Variants in PRKAR1B observed in about 807,000 individuals in gnomAD.
PRKAR1B encodes the protein cAMP-dependent protein kinase type I-beta regulatory subunit.
PRKAR1B carries 22 observed loss-of-function variants against 46.5 expected under a neutral mutation model. That is an observed-to-expected ratio of 0.47 (90% CI 0.34 to 0.68). The LOEUF is 0.68. PRKAR1B is among the 30% of genes least tolerant of loss of function. PRKAR1B has a pLI of 0.01. For synonymous variants in PRKAR1B, 259 were observed against 217.7 expected, an observed-to-expected ratio of 1.19 and a Z score of -1.67; for missense variants, 445 against 535.6, an observed-to-expected ratio of 0.83 and a Z score of 1.67.
chr7:590,141 G>T (rs557772589), intron 7 of PRKAR1B, among the ~76,000 whole-genome samples: 2 of 152,360 alleles, frequency 1.3e-5, no homozygotes, highest in South Asian at 4.1e-4. Flanking sequence ...GCACTCTGCT[G>T]TGCAGCCCCA....
At chr7:658,497 A>G (rs952668746) in intron 4 of PRKAR1B, among the ~76,000 whole-genome samples, 3 of 152,144 alleles carry the variant, frequency 2.0e-5, no homozygotes, top group African/African-American at 7.2e-5. Context: ...CTGATGGCTG[A>G]GGTTTGCTTC....
intron 1 of PRKAR1B, among the ~76,000 whole-genome samples, chr7:722,404 T>C (rs1054203409): frequency 4.6e-5 from 7 of 150,698 alleles, no homozygotes; most frequent in African/African-American, 1.7e-4. Context: ...ACCTGGCTAA[T>C]TTTTCTATTT....
chr7:611,256 T>C (rs1271420088), intron 4 of PRKAR1B, among the ~76,000 whole-genome samples: 3 of 152,198 alleles, frequency 2.0e-5, no homozygotes, highest in African/African-American at 7.2e-5. Flanking sequence ...CTCCCTCTCG[T>C]CCACCCCTCC....
intron 4 of PRKAR1B, among the ~76,000 whole-genome samples, chr7:622,590 G>A (rs1583315498): frequency 6.6e-6 from 1 of 152,088 alleles, no homozygotes; most frequent in Non-Finnish European, 1.5e-5. Context: ...ACCTTCCTAG[G>A]GATGGAAGGG....
intron 2 of PRKAR1B, among the ~76,000 whole-genome samples, chr7:706,397 G>C (rs895532188): frequency 6.7e-6 from 1 of 148,338 alleles, no homozygotes; most frequent in East Asian, 2.0e-4. Flanking sequence ...AAACTCCCAC[G>C]CTGTGTTTTG....
intron 4 of PRKAR1B, among the ~76,000 whole-genome samples, chr7:645,219 C>T (rs1295061548): frequency 6.6e-6 from 1 of 152,172 alleles, no homozygotes; most frequent in Non-Finnish European, 1.5e-5. Flanking sequence ...CGGTCCTCTC[C>T]CTCCTACAGA....
intron 4 of PRKAR1B, among the ~76,000 whole-genome samples, chr7:657,158 CA>C (rs1490951055): frequency 6.9e-6 from 1 of 144,596 alleles, no homozygotes; most frequent in Non-Finnish European, 1.5e-5. Flanking sequence ...AATGAGTGAA[CA>C]AATGAATGGA....
chr7:574,267 G>A (rs1001194793), intron 9 of PRKAR1B, among the ~76,000 whole-genome samples: 5 of 152,252 alleles, frequency 3.3e-5, no homozygotes, highest in Admixed American at 3.3e-4. Context: ...AGAAGCCCCC[G>A]AGTGCCTGCA....
intron 9 of PRKAR1B, chr7:561,843 G>A (rs1478060605): frequency 6.6e-6 from 1 of 152,314 alleles, no homozygotes; most frequent in Non-Finnish European, 1.5e-5. Context: ...GGCTTGGGGT[G>A]GGAACAGGTG....
chr7:564,014 T>C (rs991034563), intron 9 of PRKAR1B, among the ~76,000 whole-genome samples: 2 of 151,954 alleles, frequency 1.3e-5, no homozygotes, highest in Non-Finnish European at 2.9e-5. Flanking sequence ...GCCTCCTCCA[T>C]TGACAATTCA....
intron 4 of PRKAR1B, among the ~76,000 whole-genome samples, chr7:645,920 TGC>T (rs1784598796): frequency 6.6e-6 from 1 of 152,180 alleles, no homozygotes; most frequent in Non-Finnish European, 1.5e-5. Context: ...AGAGCAGTGA[TGC>T]CAGGGTACCC....
chr7:552,404 ACCACCACG>A, intron 9 of PRKAR1B, among the ~76,000 whole-genome samples: 1 of 73,702 alleles, frequency 1.4e-5, no homozygotes, highest in Non-Finnish European at 2.6e-5. Flanking sequence ...AGCCACTGCC[ACCACCACG>A]TCACCACCCA....
At chr7:684,684 G>C (rs1778905868) in intron 2 of PRKAR1B, among the ~76,000 whole-genome samples, 1 of 152,158 alleles carries the variant, frequency 6.6e-6, no homozygotes, top group South Asian at 2.1e-4. Context: ...TGGGAGCCAG[G>C]CAGCCCCCCA....
chr7:688,198 C>A lies in PRKAR1B; in HGVS notation c.178-7472G>T, dbSNP rs187442089. On this transcript the variant is annotated intron_variant, in intron 2 of 10. Transcript: ENST00000537384. The stretch of plus-strand genomic sequence containing the variant: ...GGCGGATCACCTGAGGTCAGGAGTT[C>A]GAGACCAACCTGGTTAACATGGCAA... 2.0e-5 allele frequency among the ~76,000 whole-genome samples: 3 copies of A among 151,372 alleles called. No individual in the cohort carries two copies. The South Asian group carries it at 6.3e-4, about 32-fold the overall frequency.
chr7:691,822 GC>G, intron 2 of PRKAR1B: 1 of 1,181,958 alleles, frequency 8.5e-7, no homozygotes, highest in Non-Finnish European at 1.1e-6. Context: ...TGAACTCCCT[GC>G]CAAGTAAACA....
At position 711,340 on chromosome 7, in the gene PRKAR1B, T is replaced by C; in HGVS notation, c.166A>G (p.Lys56Glu). The change falls in exon 2 of 11, where the codon AAG (lysine) becomes GAG (glutamate). Residue 56 changes from lysine to glutamate, a missense_variant. Physicochemically the swap from Lys to Glu is moderately conservative, Grantham distance 56. Transcript: ENST00000537384. ...PMKFLREHFE[K>E]LEKEENRQIL... ...CGGGGGCCACTCACCTTCTCCAGCT[T>C]CTCGAAGTGCTCCCGGAGGAACTTC... is the stretch of plus-strand genomic sequence containing the variant. 1.2e-6 allele frequency: 2 copies of C among 1,614,104 alleles called. No individual in the cohort carries two copies. Among genetic ancestry groups the C allele is most frequent in the Non-Finnish European group, 1.7e-6 (2 of 1,179,974 alleles).
chr7:708,888 T>C (rs1780468625), intron 2 of PRKAR1B, among the ~76,000 whole-genome samples: 1 of 149,014 alleles, frequency 6.7e-6, no homozygotes, highest in Non-Finnish European at 1.5e-5. Flanking sequence ...ACCTCCCGGG[T>C]TCAAGCCAAT....
At chr7:670,594 C>A (rs1786187706) in intron 4 of PRKAR1B, among the ~76,000 whole-genome samples, 1 of 150,102 alleles carries the variant, frequency 6.7e-6, no homozygotes, top group African/African-American at 2.5e-5. Flanking sequence ...TCCCCCATGC[C>A]ACAGCATCCA....
intron 9 of PRKAR1B, among the ~76,000 whole-genome samples, chr7:559,478 C>A (rs1778653318): frequency 6.6e-6 from 1 of 152,178 alleles, no homozygotes; most frequent in East Asian, 1.9e-4. Context: ...CCGGCAGGAG[C>A]CCCGAGTGGT....
Sources: gnomAD v4.1 joint callset for allele counts (sites outside exome capture counted in the v4.1 genomes callset) on GRCh38, gnomAD v4.1.1 for gene constraint, MANE v1.5 for transcripts, NCBI Gene and HGNC (gene_info 2026-07-23, HGNC 2026-07-21) for gene names.